Variants in CYP4F22 observed in about 807,000 individuals in gnomAD.
CYP4F22 encodes cytochrome P450 family 4 subfamily F member 22.
Under a neutral mutation model 60.4 loss-of-function variants are expected in CYP4F22, and 37 were observed. That is an observed-to-expected ratio of 0.61 (90% CI 0.47 to 0.81). The LOEUF (loss-of-function observed/expected upper bound fraction) is 0.81, where lower values mean the gene tolerates loss of function less well. Among genes scored for constraint, CYP4F22 ranks in the 30% least tolerant of loss-of-function variants. The pLI is 0.00. For synonymous variants in CYP4F22, 258 were observed against 280.5 expected, an observed-to-expected ratio of 0.92 and a Z score of 0.80; for missense variants, 655 against 715.0, an observed-to-expected ratio of 0.92 and a Z score of 0.96.
rs764984151 is a variant in CYP4F22 at position 15,540,444 on chromosome 19, T to C, written c.672-6T>C. ...CTACACTCATGGATCCCCTTCTCCT[T>C]GGCAGGAAGATGAGTGATTATATCT... On this transcript the variant is annotated splice_polypyrimidine_tract_variant and splice_region_variant and intron_variant, in intron 7 of 13. Coordinates refer to ENST00000269703, the MANE Select transcript of CYP4F22 (RefSeq NM_173483.4). The C allele has an allele frequency of 8.7e-6, 14 of 1,614,148 alleles. No individual in the cohort carries two copies. The highest frequency in any genetic ancestry group is 1.2e-5 in the Non-Finnish European group (14 of 1,180,028).
In CYP4F22 at chr19:15,540,433, C is replaced by A. The variant is rs1284753224; in HGVS notation, c.672-17C>A. ...AGGGGAAGGGGCTACACTCATGGAT[C>A]CCCTTCTCCTTGGCAGGAAGATGAG... On this transcript the variant is annotated splice_polypyrimidine_tract_variant and intron_variant, in intron 7 of 13. Coordinates refer to ENST00000269703, the MANE Select transcript of CYP4F22 (RefSeq NM_173483.4). 6 of 1,613,988 alleles carry A rather than the reference C, an allele frequency of 3.7e-6. No individual in the cohort carries two copies. Among genetic ancestry groups the A allele is most frequent in the Non-Finnish European group, 5.1e-6 (6 of 1,180,046 alleles).
rs11085958 is a variant in CYP4F22, at chr19:15,529,477, G to T, written c.223-232G>T. ...AGCCATGGGTCAGGCCCATGCTGGGGCTCTTGCTTTGTTATTTCATGAATC... is the reference window on the plus strand; with the variant it reads ...AGCCATGGGTCAGGCCCATGCTGGGTCTCTTGCTTTGTTATTTCATGAATC... On this transcript the variant is annotated intron_variant, in intron 3 of 13. Coordinates refer to ENST00000269703, the MANE Select transcript of CYP4F22 (RefSeq NM_173483.4). Among the ~76,000 whole-genome samples the T allele has an allele frequency of 0.48, 72,503 of 151,842 alleles. 18,231 individuals carry two copies. The highest frequency in any genetic ancestry group is 0.58 in the Middle Eastern group (170 of 294).
intron 1 of CYP4F22, among the ~76,000 whole-genome samples, chr19:15,512,692 C>A (rs1315765853): frequency 2.0e-5 from 3 of 152,200 alleles, no homozygotes; most frequent in Non-Finnish European, 4.4e-5. Context: ...ATCCTCCCAT[C>A]TTGGCCTCCC....
intron 10 of CYP4F22, among the ~76,000 whole-genome samples, chr19:15,547,895 C>T (rs1233411892): frequency 1.3e-5 from 2 of 151,196 alleles, no homozygotes; most frequent in East Asian, 3.9e-4. Flanking sequence ...CCCACCTGTG[C>T]ATGAGACAAC....
intron 12 of CYP4F22, 102 bp downstream of exon 12, chr19:15,549,304 C>A: frequency 8.9e-7 from 1 of 1,122,008 alleles, no homozygotes; most frequent in Non-Finnish European, 1.4e-6. Context: ...GTGCGCACAC[C>A]CCTCCCCACT....
intron 1 of CYP4F22, among the ~76,000 whole-genome samples, chr19:15,510,447 T>A (rs1452059255): frequency 6.6e-6 from 1 of 152,136 alleles, no homozygotes; most frequent in Non-Finnish European, 1.5e-5. Context: ...TAAATAGGGC[T>A]TCTGTCTTAA....
intron 1 of CYP4F22, among the ~76,000 whole-genome samples, chr19:15,519,854 G>A (rs974310487): frequency 1.3e-5 from 2 of 152,066 alleles, no homozygotes; most frequent in Non-Finnish European, 2.9e-5. Flanking sequence ...CCCACTGACC[G>A]GGCTGCAGAC....
chr19:15,518,002 A>G (rs185769755), intron 1 of CYP4F22, among the ~76,000 whole-genome samples: 1 of 152,226 alleles, frequency 6.6e-6, no homozygotes, highest in East Asian at 1.9e-4. Flanking sequence ...TAGAGGCATC[A>G]ACAGGGGTAA....
intron 10 of CYP4F22, among the ~76,000 whole-genome samples, chr19:15,545,785 A>AG (rs1293438828): frequency 6.6e-6 from 1 of 151,794 alleles, no homozygotes; most frequent in African/African-American, 2.4e-5. Context: ...TTATGGCCTC[A>AG]GGGGGACATG....
At chr19:15,515,208 G>A (rs990482762) in intron 1 of CYP4F22, 8 of 583,740 alleles carry the variant, frequency 1.4e-5, no homozygotes, top group Non-Finnish European at 2.0e-5. Context: ...TGTGTTCCCT[G>A]CTGCTGCCCA....
intron 7 of CYP4F22, among the ~76,000 whole-genome samples, chr19:15,539,080 C>T (rs946688419): frequency 6.6e-6 from 1 of 152,196 alleles, no homozygotes; most frequent in Non-Finnish European, 1.5e-5. Context: ...TTAAAGAATA[C>T]ACCTGAACTG....
At chr19:15,550,537 G>T in intron 12 of CYP4F22, 137 bp from the exon 13 acceptor site, 1 of 804,052 alleles carries the variant, frequency 1.2e-6, no homozygotes, top group Non-Finnish European at 2.1e-6. Flanking sequence ...ATTGCAGGAA[G>T]TGCAAGGTGG....
chr19:15,547,968 T>TGAGA (rs748042791), intron 10 of CYP4F22, 140 bp from the exon 11 acceptor site: 228 of 1,070,258 alleles, frequency 2.1e-4, no homozygotes, highest in Admixed American at 2.8e-4. Flanking sequence ...CAGCTGCCCC[T>TGAGA]GAGAGAGAGA....
intron 3 of CYP4F22, among the ~76,000 whole-genome samples, chr19:15,529,137 T>TTA (rs1555728062): frequency 1.0e-4 from 4 of 39,466 alleles, no homozygotes; most frequent in Admixed American, 2.8e-4. Flanking sequence ...TATTTTATTT[T>TTA]TTTTTTTTGA....
intron 1 of CYP4F22, among the ~76,000 whole-genome samples, chr19:15,509,518 CCTT>C (rs1424219991): frequency 6.6e-6 from 1 of 152,142 alleles, no homozygotes; most frequent in Non-Finnish European, 1.5e-5. Flanking sequence ...GCATCAAACT[CCTT>C]CTTGTGTAAC....
intron 3 of CYP4F22, among the ~76,000 whole-genome samples, chr19:15,525,964 C>A (rs2144513384): frequency 6.6e-6 from 1 of 152,010 alleles, no homozygotes; most frequent in East Asian, 1.9e-4. Flanking sequence ...GAGTTCGAGA[C>A]CAGCCTGGGA....
chr19:15,520,756 ATT>A (rs1971215017), intron 1 of CYP4F22, among the ~76,000 whole-genome samples: 1 of 142,260 alleles, frequency 7.0e-6, no homozygotes, highest in East Asian at 2.1e-4. Context: ...CCCTGCTAAT[ATT>A]TTGTTTTGTT....
At chr19:15,530,337 C>T (rs570507549) in intron 4 of CYP4F22, among the ~76,000 whole-genome samples, 4 of 152,296 alleles carry the variant, frequency 2.6e-5, no homozygotes, top group African/African-American at 9.6e-5. Context: ...ACTTCCAAGT[C>T]TGCTTGGCAA....
chr19:15,513,361 A>AT (rs1216724764), intron 1 of CYP4F22, among the ~76,000 whole-genome samples: 123 of 121,262 alleles, frequency 1.0e-3, no homozygotes, highest in South Asian at 1.5e-3. Flanking sequence ...ATATATATAT[A>AT]TTTTTTTTTT....
Sources: gnomAD v4.1 joint callset for allele counts (sites outside exome capture counted in the v4.1 genomes callset) on GRCh38, gnomAD v4.1.1 for gene constraint, MANE v1.5 for transcripts, NCBI Gene and HGNC (gene_info 2026-07-23, HGNC 2026-07-21) for gene names.